RPRD2: variants seen among roughly 807,000 people sequenced by gnomAD.
The protein encoded by RPRD2 is regulation of nuclear pre-mRNA domain-containing protein 2.
In RPRD2, 12 loss-of-function variants were observed where a neutral mutation model predicts 104.4. That is an observed-to-expected ratio of 0.11 (90% CI 0.07 to 0.19). RPRD2 has a LOEUF of 0.19. Among genes scored for constraint, RPRD2 ranks in the 10% least tolerant of loss-of-function variants. RPRD2 has a pLI of 1.00. For missense variants in RPRD2, 1,543 were observed against 1,790.1 expected (o/e 0.86, Z 2.49); for synonymous variants, 714 against 684.9 (o/e 1.04, Z -0.66).
chr1:150,405,818 C>T lies in RPRD2; in HGVS notation c.206-11778C>T, dbSNP rs117390184. 3.6e-3 allele frequency among the ~76,000 whole-genome samples: 543 copies of T among 152,276 alleles called. 5 individuals are homozygous for T. The highest frequency in any genetic ancestry group is 0.029 in the East Asian group (150 of 5,188). On this transcript the variant is annotated intron_variant, in intron 1 of 10. Transcript: ENST00000369068. ...CCTGGGACAGGAATCCTCTCTTTGT[C>T]CTTTGTATCCATGCTGTTGACGCTT...
At chr1:150,466,728 T>C (rs1553900122) in intron 10 of RPRD2, among the ~76,000 whole-genome samples, 1 of 152,168 alleles carries the variant, frequency 6.6e-6, no homozygotes, top group African/African-American at 2.4e-5. Flanking sequence ...ACTAATTATG[T>C]TTTGTGCATG....
chr1:150,462,299 G>A (rs371665758), intron 9 of RPRD2, among the ~76,000 whole-genome samples: 21 of 151,718 alleles, frequency 1.4e-4, no homozygotes, highest in Admixed American at 4.6e-4. Flanking sequence ...GAAAAAATTC[G>A]CCAGCTGTGG....
At chr1:150,387,073 A>G (rs1661619053) in intron 1 of RPRD2, among the ~76,000 whole-genome samples, 1 of 152,204 alleles carries the variant, frequency 6.6e-6, no homozygotes, top group Admixed American at 6.5e-5. Flanking sequence ...TGCATTCATG[A>G]CATACCTAAT....
intron 1 of RPRD2, among the ~76,000 whole-genome samples, chr1:150,369,756 C>T (rs868929279): frequency 1.3e-5 from 2 of 148,180 alleles, no homozygotes; most frequent in Middle Eastern, 3.6e-3. Context: ...TGTGCCCGGC[C>T]TACACCTGGC....
At chr1:150,369,441 ATTTTTTTTTTTTTTTTTTT>A (rs58054758) in intron 1 of RPRD2, among the ~76,000 whole-genome samples, 15 of 57,534 alleles carry the variant, frequency 2.6e-4, no homozygotes, top group South Asian at 7.7e-4. Flanking sequence ...CACCTGGCTA[ATTTTTTTTTTTTTTTTTTT>A]TTTTTTTTTT....
At chr1:150,445,966 G>A (rs1489273589) in intron 6 of RPRD2, among the ~76,000 whole-genome samples, 1 of 151,944 alleles carries the variant, frequency 6.6e-6, no homozygotes, top group East Asian at 1.9e-4. Flanking sequence ...CACTCGGGAG[G>A]CTGAGGCAGG....
intron 1 of RPRD2, among the ~76,000 whole-genome samples, chr1:150,410,701 T>C (rs1264014709): frequency 6.6e-6 from 1 of 152,238 alleles, no homozygotes; most frequent in Non-Finnish European, 1.5e-5. Flanking sequence ...TTTAGTACTT[T>C]GGTGTTCATT....
intron 2 of RPRD2, among the ~76,000 whole-genome samples, chr1:150,430,210 G>T (rs895505543): frequency 3.3e-5 from 5 of 152,164 alleles, no homozygotes; most frequent in Non-Finnish European, 7.3e-5. Flanking sequence ...GTAGAGTAAT[G>T]TATATGAAAT....
chr1:150,408,906 G>C (rs183359007), intron 1 of RPRD2: 1 of 152,174 alleles, frequency 6.6e-6, no homozygotes, highest in Non-Finnish European at 1.5e-5. Context: ...TCTTTTTCAG[G>C]GGTTACATCT....
chr1:150,405,903 G>C (rs782235150), intron 1 of RPRD2, among the ~76,000 whole-genome samples: 4 of 151,826 alleles, frequency 2.6e-5, no homozygotes, highest in African/African-American at 9.7e-5. Flanking sequence ...TTGTGTTCAA[G>C]TAATCCTTAG....
chr1:150,471,968 T>C lies in RPRD2; in HGVS notation c.3020T>C (p.Ile1007Thr), dbSNP rs749636216. Reference protein sequence around the residue: ...LASTISTTSTIEFKNMLKNAS... With the variant: ...LASTISTTSTTEFKNMLKNAS... Reference sequence around the variant, plus strand: ...TCCACCATTTCCACCACGTCGACGATTGAATTTAAGAATATGCTTAAAAAC... The same window carrying C: ...TCCACCATTTCCACCACGTCGACGACTGAATTTAAGAATATGCTTAAAAAC... The change falls in exon 11 of 11, where the codon ATT becomes ACT. Residue 1007 changes from isoleucine to threonine, a missense_variant. By Grantham distance (89) the Ile-to-Thr change is moderately conservative. Around this residue, in one of 4 missense-constraint regions of RPRD2, gnomAD observed 880 missense variants for 885.6 expected, o/e 0.99. Transcript: ENST00000369068. The surrounding 1 kb of genome is among the most constrained non-coding windows in gnomAD (Gnocchi z 5.3). 1.7e-5 allele frequency: 27 copies of C among 1,613,788 alleles called. No individual in the cohort carries two copies. Among genetic ancestry groups the C allele is most frequent in the African/African-American group, 2.7e-5 (2 of 74,898 alleles).
chr1:150,440,276 C>G (rs941247240), intron 2 of RPRD2, among the ~76,000 whole-genome samples: 1 of 151,934 alleles, frequency 6.6e-6, no homozygotes, highest in Admixed American at 6.6e-5. Context: ...CACAATTGGC[C>G]AGACTGGTCT....
intron 7 of RPRD2, among the ~76,000 whole-genome samples, chr1:150,449,728 A>C (rs1553896196): frequency 6.6e-6 from 1 of 152,194 alleles, no homozygotes. Context: ...GGGTACTAGG[A>C]GTGAGGACTT....
chr1:150,374,799 C>T (rs1553879161), intron 1 of RPRD2, among the ~76,000 whole-genome samples: 1 of 152,180 alleles, frequency 6.6e-6, no homozygotes, highest in Non-Finnish European at 1.5e-5. Context: ...ACTCTTTCTA[C>T]TTAGTCTAGT....
chr1:150,472,604 C>T lies in RPRD2; in HGVS notation c.3656C>T (p.Pro1219Leu). 1 of 1,613,954 alleles carries T rather than the reference C, an allele frequency of 6.2e-7. No homozygotes were observed. Among genetic ancestry groups the T allele is most frequent in the East Asian group, 2.2e-5 (1 of 44,876 alleles). ...PVGPSSAPPV[P>L]PKDHGGIFSR... ...GGGCCATCATCTGCCCCACCTGTCCCTCCTAAGGATCATGGTGGTATCTTC... is the reference window on the plus strand; with the variant it reads ...GGGCCATCATCTGCCCCACCTGTCCTTCCTAAGGATCATGGTGGTATCTTC... The change falls in exon 11 of 11, where the codon CCT becomes CTT. Residue 1219 changes from proline to leucine, a missense_variant. Coordinates refer to ENST00000369068, the MANE Select transcript of RPRD2 (RefSeq NM_015203.5).
rs373273667 is a variant in RPRD2 at position 150,473,129 on chromosome 1, G to C, written c.4181G>C (p.Ser1394Thr). 1.4e-5 allele frequency: 22 copies of C among 1,613,978 alleles called. No homozygotes were observed. In the African/African-American group the frequency reaches 2.4e-4, roughly 18 times the overall value. Residue 1394 changes from serine to threonine, a missense_variant, in exon 11 of 11, where the codon AGC (serine) becomes ACC (threonine). By Grantham distance (58) the Ser-to-Thr change is moderately conservative (BLOSUM62 1). This residue lies in a region of RPRD2 where 880 missense variants were observed against 885.6 expected (regional missense o/e 0.99). Coordinates refer to ENST00000369068, the MANE Select transcript of RPRD2 (RefSeq NM_015203.5). Reference sequence around the variant, plus strand: ...GGAGGTGGGGGAGGCAGCAACAGCAGCAGTGGCCCCCCCTTGGGTCCCTCA... The same window carrying C: ...GGAGGTGGGGGAGGCAGCAACAGCACCAGTGGCCCCCCCTTGGGTCCCTCA... ...GGGGGGGSNS[S>T]SGPPLGPSHR...
chr1:150,436,724 T>G (rs1666025323), intron 2 of RPRD2, among the ~76,000 whole-genome samples: 1 of 151,098 alleles, frequency 6.6e-6, no homozygotes, highest in Admixed American at 6.6e-5. Flanking sequence ...CTGGCCAACA[T>G]GGTGAAACCC....
At chr1:150,438,128 A>T (rs943682628) in intron 2 of RPRD2, among the ~76,000 whole-genome samples, 1 of 151,410 alleles carries the variant, frequency 6.6e-6, no homozygotes, top group Admixed American at 6.6e-5. Flanking sequence ...CTAAAAAAAT[A>T]TATATACAAA....
intron 9 of RPRD2, among the ~76,000 whole-genome samples, chr1:150,461,937 G>A (rs1667960114): frequency 1.3e-5 from 2 of 151,206 alleles, no homozygotes; most frequent in South Asian, 2.1e-4. Flanking sequence ...CCAGGATCGC[G>A]CCACTGCACA....
Sources: gnomAD v4.1 joint callset for allele counts (sites outside exome capture counted in the v4.1 genomes callset) on GRCh38, gnomAD v4.1.1 for gene constraint, gnomAD v4.1.1 regional missense constraint, Gnocchi (gnomAD v3.1) non-coding constraint, MANE v1.5 for transcripts, NCBI Gene and HGNC (gene_info 2026-07-23, HGNC 2026-07-21) for gene names.